Variants in SOBP observed in about 807,000 individuals in gnomAD.
SOBP encodes sine oculis-binding protein homolog.
A neutral mutation model predicts 53.6 loss-of-function variants in SOBP; 4 were observed. That is an observed-to-expected ratio of 0.07 (90% CI 0.04 to 0.17). SOBP has a LOEUF of 0.17. Among genes scored for constraint, SOBP ranks in the 10% least tolerant of loss-of-function variants. The probability of loss-of-function intolerance (pLI) is 1.00; values close to 1 mark genes in which losing one functional copy is unlikely to be tolerated. For missense variants in SOBP, 1,088 were observed against 1,204.7 expected, an observed-to-expected ratio of 0.90 and a Z score of 1.43; for synonymous variants, 584 against 522.6, an observed-to-expected ratio of 1.12 and a Z score of -1.60.
intron 6 of SOBP, among the ~76,000 whole-genome samples, chr6:107,652,535 G>T (rs1338997146): frequency 6.6e-6 from 1 of 152,224 alleles, no homozygotes; most frequent in Non-Finnish European, 1.5e-5. Context: ...TGTGAACAAT[G>T]ATGAAATTAC....
intron 4 of SOBP, among the ~76,000 whole-genome samples, chr6:107,541,044 C>T (rs996596527): frequency 6.6e-6 from 1 of 152,088 alleles, no homozygotes; most frequent in Non-Finnish European, 1.5e-5. Flanking sequence ...AAGTAAATAG[C>T]GGAATAAAAT....
rs891390507 is a variant in SOBP, at chr6:107,660,729, C to A, written c.*2526C>A. Among the ~76,000 whole-genome samples, 2 of 152,142 alleles carry A rather than the reference C, an allele frequency of 1.3e-5. No individual in the cohort carries two copies. Among genetic ancestry groups the A allele is most frequent in the African/African-American group, 2.4e-5 (1 of 41,424 alleles). On this transcript the variant is annotated 3_prime_UTR_variant, in exon 7 of 7. Coordinates refer to ENST00000317357, the MANE Select transcript of SOBP (RefSeq NM_018013.4). ...TAGTCATTGTAAATCTAGTTCAGTT[C>A]TCTTGTTCTACATATGAAAAAACAG... is the stretch of plus-strand genomic sequence containing the variant.
intron 3 of SOBP, among the ~76,000 whole-genome samples, chr6:107,516,975 A>C (rs530869990): frequency 6.6e-6 from 1 of 152,202 alleles, no homozygotes. Flanking sequence ...TAATTCTGAT[A>C]AAAATCCTGC....
rs1300703404 is a variant in SOBP, at chr6:107,633,833, C to G, written c.989C>G (p.Thr330Ser). The change falls in exon 6 of 7, where the codon ACC (threonine) becomes AGC (serine). Residue 330 changes from threonine to serine, a missense_variant. Thr to Ser is a moderately conservative substitution (Grantham distance 58). This residue lies in a region of SOBP where 211 missense variants were observed against 258.9 expected (regional missense o/e 0.82). Transcript: ENST00000317357. ...QSQGPGPSAS[T>S]TVSPSDTANC... ...CAGGGCCCTGGCCCGTCGGCGTCCA[C>G]CACCGTCTCTCCATCTGACACTGCC... 6 of 1,614,174 alleles carry G rather than the reference C, an allele frequency of 3.7e-6. No homozygotes were observed. In the South Asian group the frequency reaches 4.4e-5, roughly 12 times the overall value.
chr6:107,633,650 C>T lies in SOBP; in HGVS notation c.806C>T (p.Ala269Val), dbSNP rs758286563. The stretch of plus-strand genomic sequence containing the variant: ...GACATTTTCTACAAAGAGACCCAGG[C>T]CAATCTTCCAGCTGGGCTGTGCAGC... ...KMDIFYKETQ[A>V]NLPAGLCSTL... Residue 269 changes from alanine (A) to valine (V), a missense_variant, in exon 6 of 7, where the codon GCC (alanine) becomes GTC (valine). Ala to Val is a moderately conservative substitution (Grantham distance 64). Around this residue, in one of 6 missense-constraint regions of SOBP, gnomAD observed 211 missense variants for 258.9 expected, o/e 0.82. Coordinates refer to ENST00000317357, the MANE Select transcript of SOBP (RefSeq NM_018013.4). The T allele has an allele frequency of 6.2e-6, 10 of 1,614,122 alleles. No individual in the cohort carries two copies. In the African/African-American group the frequency reaches 8.0e-5, roughly 13 times the overall value.
intron 1 of SOBP, among the ~76,000 whole-genome samples, chr6:107,500,673 C>T (rs1047558323): frequency 2.0e-5 from 3 of 151,738 alleles, no homozygotes; most frequent in Middle Eastern, 3.4e-3. Context: ...AGGCGCCCGC[C>T]ACTACGCCCG....
chr6:107,524,086 T>C (rs1272505197), intron 3 of SOBP, among the ~76,000 whole-genome samples: 1 of 152,202 alleles, frequency 6.6e-6, no homozygotes, highest in Admixed American at 6.5e-5. Context: ...AAAGAGCAGA[T>C]GATGGAAATG....
intron 3 of SOBP, among the ~76,000 whole-genome samples, chr6:107,520,337 A>G (rs2114969689): frequency 1.3e-5 from 2 of 152,326 alleles, no homozygotes; most frequent in Admixed American, 1.3e-4. Flanking sequence ...AACCTAGAAT[A>G]TCATCTAATT....
chr6:107,544,265 C>G (rs1784233510), intron 4 of SOBP, among the ~76,000 whole-genome samples: 2 of 152,192 alleles, frequency 1.3e-5, no homozygotes. Flanking sequence ...GCTTCAAGTT[C>G]AGGTGGCCAA....
At chr6:107,491,959 T>C (rs778429603) in intron 1 of SOBP, among the ~76,000 whole-genome samples, 182 of 152,340 alleles carry the variant, frequency 1.2e-3, no homozygotes, top group Non-Finnish European at 1.9e-3. Flanking sequence ...TATGTATGCG[T>C]ACCTAGGTGC....
In SOBP at chr6:107,648,702, C is replaced by T. The variant is rs1483211367; in HGVS notation, c.*4-9505C>T. On this transcript the variant is annotated intron_variant, in intron 6 of 6. Coordinates refer to ENST00000317357, the MANE Select transcript of SOBP (RefSeq NM_018013.4). ...ATAGGCTAGGGGTCAGCTCTCCCAG[C>T]GGGAGGGGGAAACTTGACTTTGGGG... Among the ~76,000 whole-genome samples the T allele has an allele frequency of 5.9e-5, 9 of 152,054 alleles. No homozygotes were observed. In the East Asian group the frequency reaches 1.6e-3, roughly 26 times the overall value.
intron 5 of SOBP, among the ~76,000 whole-genome samples, chr6:107,589,462 CAAAA>C (rs1785673769): frequency 6.6e-6 from 1 of 152,160 alleles, no homozygotes; most frequent in African/African-American, 2.4e-5. Flanking sequence ...GTAACTTAAA[CAAAA>C]GCAAAGCAAA....
rs1782546295 is a variant in SOBP at position 107,490,422 on chromosome 6, G to T, written c.-195G>T. 1 of 505,114 alleles carries T rather than the reference G, an allele frequency of 2.0e-6. No homozygotes were observed. The highest frequency in any genetic ancestry group is 3.6e-6 in the Non-Finnish European group (1 of 279,868). 31.3% of individuals were successfully genotyped at this position (505,114 alleles called of 1,614,324 possible). A position where few individuals can be genotyped will look rare whatever the true frequency, so the allele number is the denominator to read the frequency against. ...ATCCTTACCCGTGACAGCCACTGACGTCCTCCGCCGCTAGAAGAGACCCCG... is the reference window on the plus strand; with the variant it reads ...ATCCTTACCCGTGACAGCCACTGACTTCCTCCGCCGCTAGAAGAGACCCCG... On this transcript the variant is annotated 5_prime_UTR_variant, in exon 1 of 7. Transcript: ENST00000317357.
intron 6 of SOBP, among the ~76,000 whole-genome samples, chr6:107,657,751 G>A (rs1772126935): frequency 6.6e-6 from 1 of 151,860 alleles, no homozygotes; most frequent in Admixed American, 6.6e-5. Flanking sequence ...GCTGAGGCAG[G>A]AGAATCACTT....
chr6:107,586,490 A>G (rs113848587), intron 4 of SOBP, among the ~76,000 whole-genome samples: 13 of 151,282 alleles, frequency 8.6e-5, no homozygotes, highest in African/African-American at 2.9e-4. Flanking sequence ...AATAACCAGT[A>G]ACTTTTAATG....
At chr6:107,551,969 T>C (rs1196982643) in intron 4 of SOBP, among the ~76,000 whole-genome samples, 2 of 152,172 alleles carry the variant, frequency 1.3e-5, no homozygotes, top group African/African-American at 4.8e-5. Context: ...TTCAGTGAGC[T>C]GAGATCGCAC....
chr6:107,580,890 G>T (rs892560574), intron 4 of SOBP, among the ~76,000 whole-genome samples: 1 of 152,212 alleles, frequency 6.6e-6, no homozygotes, highest in African/African-American at 2.4e-5. Context: ...CAGGAGAGCC[G>T]TGCTGAGACT....
rs796972706 is a variant in SOBP, at chr6:107,594,480, TAA to T, written c.669+7316_669+7317del. Among the ~76,000 whole-genome samples the T allele has an allele frequency of 2.6e-3, 376 of 143,902 alleles. 2 individuals are homozygous for T. Among genetic ancestry groups the T allele is most frequent in the African/African-American group, 9.1e-3 (357 of 39,236 alleles). 94.4% of individuals were successfully genotyped at this position (143,902 alleles called of 152,430 possible). ...CAAAGATAATTCTTGGCACTAAGCT[TAA>T]AAAAAAAAAAGACTCAAGGAAAACT... On this transcript the variant is annotated intron_variant, in intron 5 of 6. Transcript: ENST00000317357.
Position 107,505,630 on chromosome 6 carries a change from A to AGTTTT in SOBP, c.236-594_236-590dup, listed in dbSNP as rs541414130. Among the ~76,000 whole-genome samples the AGTTTT allele has an allele frequency of 2.6e-3, 390 of 149,634 alleles. 3 individuals carry two copies. Among genetic ancestry groups the AGTTTT allele is most frequent in the Non-Finnish European group, 4.4e-3 (295 of 67,362 alleles). On this transcript the variant is annotated intron_variant, in intron 2 of 6. Coordinates refer to ENST00000317357, the MANE Select transcript of SOBP (RefSeq NM_018013.4). ...GAGCCACTGCGCCTAGTCACCTCTC[A>AGTTTT]GTTTTGTTTTGTTTTGTTTTGTGTT...
Sources: gnomAD v4.1 joint callset for allele counts (sites outside exome capture counted in the v4.1 genomes callset) on GRCh38, gnomAD v4.1.1 for gene constraint, gnomAD v4.1.1 regional missense constraint, MANE v1.5 for transcripts, NCBI Gene and HGNC (gene_info 2026-07-23, HGNC 2026-07-21) for gene names.